Variants in ELSPBP1 observed in about 807,000 individuals in gnomAD.
ELSPBP1 encodes the protein epididymal sperm-binding protein 1.
In ELSPBP1, 38 loss-of-function variants were observed where a neutral mutation model predicts 33.3. That is an observed-to-expected ratio of 1.14 (90% CI 0.88 to 1.50). ELSPBP1 has a LOEUF of 1.50. Ranked by LOEUF, ELSPBP1 falls within the 40% of genes most tolerant of loss-of-function variation. The probability of loss-of-function intolerance (pLI) is 0.00; values close to 1 mark genes in which losing one functional copy is unlikely to be tolerated. For synonymous variants in ELSPBP1, 85 were observed against 94.1 expected (o/e 0.90, Z 0.56); for missense variants, 267 against 263.5 (o/e 1.01, Z -0.09).
chr19:48,019,615 C>G, intron 4 of ELSPBP1, 104 bp from the exon 5 acceptor site: 2 of 1,107,244 alleles, frequency 1.8e-6, no homozygotes, highest in African/African-American at 1.6e-5. Context: ...TCCAATGTGA[C>G]GTTGCCTTTA....
intron 1 of ELSPBP1, among the ~76,000 whole-genome samples, chr19:47,996,949 C>T (rs1293001228): frequency 1.3e-5 from 2 of 152,134 alleles, no homozygotes; most frequent in African/African-American, 2.4e-5. Flanking sequence ...CTCTATAGCA[C>T]GCATTGTCTT....
chr19:48,017,088 G>A (rs1967150547), intron 4 of ELSPBP1, among the ~76,000 whole-genome samples: 1 of 151,918 alleles, frequency 6.6e-6, no homozygotes, highest in South Asian at 2.1e-4. Context: ...TCAATAAATG[G>A]TCCCAGTATA....
chr19:48,020,293 G>T (rs1416105007), intron 5 of ELSPBP1, among the ~76,000 whole-genome samples: 1 of 152,072 alleles, frequency 6.6e-6, no homozygotes, highest in Non-Finnish European at 1.5e-5. Flanking sequence ...CTCCAGCCTG[G>T]GTGACAGAGT....
chr19:48,014,352 G>A lies in ELSPBP1; in HGVS notation c.208+44G>A. On this transcript the variant is annotated intron_variant, in intron 3 of 6. Coordinates refer to ENST00000339841, the MANE Select transcript of ELSPBP1 (RefSeq NM_022142.5). Reference sequence around the variant, plus strand: ...TCCCTGCCAGTGGCCTTTGAATAGGGTGGATCACAAAAGAGAATGTGTGAC... The same window carrying A: ...TCCCTGCCAGTGGCCTTTGAATAGGATGGATCACAAAAGAGAATGTGTGAC... 1.9e-6 allele frequency: 3 copies of A among 1,593,976 alleles called. 1 individual carries two copies. The highest frequency in any genetic ancestry group is 2.2e-5 in the South Asian group (2 of 89,310).
At chr19:47,995,038 A>C (rs1192944811) in intron 1 of ELSPBP1, among the ~76,000 whole-genome samples, 2 of 152,272 alleles carry the variant, frequency 1.3e-5, no homozygotes, top group African/African-American at 4.8e-5. Context: ...TTATCATTTC[A>C]ACACATAATG....
chr19:48,014,039 C>A, intron 2 of ELSPBP1, 132 bp from the exon 3 acceptor site: 2 of 1,048,684 alleles, frequency 1.9e-6, no homozygotes, highest in Non-Finnish European at 2.8e-6. Context: ...AGGATTTTAA[C>A]ATATGAATTT....
rs753619185 is a variant in ELSPBP1 at position 48,011,645 on chromosome 19, CCTG to C, written c.71-2525_71-2523del. 6.6e-6 allele frequency among the ~76,000 whole-genome samples: 1 copy of C among 150,768 alleles called. No homozygotes were observed. ...TGACAACGATGATGATGATCATCAT[CCTG>C]ATGACAATGACAATAATGAGACTGA... On this transcript the variant is annotated intron_variant, in intron 2 of 6. Coordinates refer to ENST00000339841, the MANE Select transcript of ELSPBP1 (RefSeq NM_022142.5). The surrounding 1 kb of genome is among the most constrained non-coding windows in gnomAD (Gnocchi z 4.5).
At chr19:48,016,461 TTTCCTTC>T (rs1568407309) in intron 4 of ELSPBP1, among the ~76,000 whole-genome samples, 3,491 of 41,954 alleles carry the variant, frequency 0.083, 167 homozygotes, top group Admixed American at 0.11. Context: ...CTTTCTTTTC[TTTCCTTC>T]TTTCTTTCTT....
In ELSPBP1 at chr19:48,008,812, A is replaced by C; in HGVS notation, c.70+75A>C. The C allele has an allele frequency of 2.2e-6, 3 of 1,347,998 alleles. No individual in the cohort carries two copies. The South Asian group carries it at 3.7e-5, about 17-fold the overall frequency. The allele number at this position is 1,347,998 out of a possible 1,614,324, so 83.5% of individuals were successfully genotyped here. A position where few individuals can be genotyped will look rare whatever the true frequency, so the allele number is the denominator to read the frequency against. On this transcript the variant is annotated intron_variant, in intron 2 of 6. Transcript: ENST00000339841. Reference sequence around the variant, plus strand: ...AATGGGGCAAAGCAAAGATTCCTGGAACTAAGTAGGCAGGAGATGGCTTAG... The same window carrying C: ...AATGGGGCAAAGCAAAGATTCCTGGCACTAAGTAGGCAGGAGATGGCTTAG...
In ELSPBP1 at chr19:48,014,285, A is replaced by G. The variant is rs1042338655; in HGVS notation, c.185A>G (p.Gln62Arg). ...WCATRAVYNG[Q>R]WKYCQSEDYP... ...GCCACCAGAGCCGTGTACAACGGCC[A>G]GTGGAAGTACTGCCAGAGTGAAGGT... Residue 62 changes from glutamine to arginine, a missense_variant, in exon 3 of 7, where the codon CAG (glutamine) becomes CGG (arginine). Gln to Arg is a conservative substitution (Grantham distance 43). Transcript: ENST00000339841. 6.2e-7 allele frequency: 1 copy of G among 1,613,588 alleles called. No homozygotes were observed. The highest frequency in any genetic ancestry group is 8.5e-7 in the Non-Finnish European group (1 of 1,179,960).
intron 6 of ELSPBP1, among the ~76,000 whole-genome samples, chr19:48,024,644 C>G (rs1000066264): frequency 6.6e-6 from 1 of 152,162 alleles, no homozygotes; most frequent in Non-Finnish European, 1.5e-5. Context: ...CCCACAGTGG[C>G]GTTCAGTCTG....
chr19:48,018,234 G>A (rs982306811), intron 4 of ELSPBP1, among the ~76,000 whole-genome samples: 1 of 152,150 alleles, frequency 6.6e-6, no homozygotes, highest in Non-Finnish European at 1.5e-5. Flanking sequence ...ACTAACCCAG[G>A]AAATTCGTGC....
intron 2 of ELSPBP1, among the ~76,000 whole-genome samples, chr19:48,012,270 C>T (rs1030516387): frequency 6.6e-6 from 1 of 151,784 alleles, no homozygotes; most frequent in Non-Finnish European, 1.5e-5. Flanking sequence ...ATTACAGGGG[C>T]ACACCACCAT....
intron 3 of ELSPBP1, among the ~76,000 whole-genome samples, chr19:48,015,487 C>T (rs1258046884): frequency 1.4e-4 from 21 of 152,066 alleles, no homozygotes; most frequent in Admixed American, 1.2e-3. Context: ...GACACCCCAT[C>T]TCTACTAAAA....
At chr19:48,002,716 G>A (rs907142557) in intron 1 of ELSPBP1, among the ~76,000 whole-genome samples, 9 of 152,294 alleles carry the variant, frequency 5.9e-5, no homozygotes, top group Middle Eastern at 3.4e-3. Flanking sequence ...TGCTTGAACC[G>A]GGGAGGCGGA....
intron 6 of ELSPBP1, among the ~76,000 whole-genome samples, 174 bp from the exon 7 acceptor site, chr19:48,024,778 C>T (rs921448950): frequency 6.6e-6 from 1 of 152,132 alleles, no homozygotes; most frequent in African/African-American, 2.4e-5. Context: ...TCATTGATCT[C>T]CTTGCTCCTA....
At chr19:48,024,721 A>G (rs1405717353) in intron 6 of ELSPBP1, among the ~76,000 whole-genome samples, 1 of 152,162 alleles carries the variant, frequency 6.6e-6, no homozygotes, top group Non-Finnish European at 1.5e-5. Context: ...GGCACTTTGC[A>G]GGTCCCCTTC....
At chr19:48,006,265 C>T (rs1188223210) in intron 1 of ELSPBP1, among the ~76,000 whole-genome samples, 3 of 151,988 alleles carry the variant, frequency 2.0e-5, no homozygotes, top group Non-Finnish European at 4.4e-5. Context: ...CATAACAAGG[C>T]TGAGTGGTAG....
At chr19:48,003,539 C>CTT (rs34961390) in intron 1 of ELSPBP1, among the ~76,000 whole-genome samples, 21,681 of 138,716 alleles carry the variant, frequency 0.16, 2,082 homozygotes, top group Non-Finnish European at 0.2. Flanking sequence ...CACCCCTGCT[C>CTT]TTTTTTTTTT....
Sources: allele counts gnomAD v4.1 joint callset (sites outside exome capture counted in the v4.1 genomes callset), GRCh38; gene constraint gnomAD v4.1.1; non-coding constraint Gnocchi (gnomAD v3.1); transcripts MANE v1.5; gene names NCBI Gene and HGNC (gene_info 2026-07-23, HGNC 2026-07-21).